Variants in ASNS observed in about 807,000 individuals in gnomAD.
The protein encoded by ASNS is asparagine synthetase (glutamine-hydrolyzing), also known as asparagine synthetase [glutamine-hydrolyzing].
ASNS carries 37 observed loss-of-function variants against 62.6 expected under a neutral mutation model. The observed-to-expected ratio is 0.59, with a 90% CI of 0.45 to 0.78. The LOEUF (loss-of-function observed/expected upper bound fraction) is 0.78, where lower values mean the gene tolerates loss of function less well. Ranked by LOEUF, ASNS falls within the 30% of genes least tolerant of loss-of-function variation. The probability of loss-of-function intolerance (pLI) is 0.00; values close to 1 mark genes in which losing one functional copy is unlikely to be tolerated. For synonymous variants in ASNS, 207 were observed against 237.9 expected (o/e 0.87, Z 1.19); for missense variants, 520 against 682.4 (o/e 0.76, Z 2.65).
the ASNS span, among the ~76,000 whole-genome samples, chr7:97,910,022 A>G: frequency 6.6e-6 from 1 of 152,188 alleles, no homozygotes; most frequent in Admixed American, 6.5e-5. Context: ...TTTACAATCC[A>G]GGGGAAGAAC....
chr7:97,864,750 A>C (rs1175083225), intron 3 of ASNS, among the ~76,000 whole-genome samples: 1 of 152,218 alleles, frequency 6.6e-6, no homozygotes, highest in Non-Finnish European at 1.5e-5. Flanking sequence ...ATGTGCCAGA[A>C]CAGTAACCTG....
In ASNS at chr7:97,859,295, T is replaced by C. The variant is rs141969298; in HGVS notation, c.591A>G (p.Ala197=). 23 of 1,614,052 alleles carry C rather than the reference T, an allele frequency of 1.4e-5. No individual in the cohort carries two copies. The highest frequency in any genetic ancestry group is 1.9e-5 in the Non-Finnish European group (22 of 1,180,016). The stretch of plus-strand genomic sequence containing the variant: ...GATGATATTTAACCATTTCCACGGA[T>C]GCAACTTTGCCATTTGGCTTTAAAT... ...VLDLKPNGKV[A]SVEMVKYHHC... The change falls in exon 5 of 13, where the codon GCA becomes GCG. Residue 197 remains alanine, a synonymous_variant. Coordinates refer to ENST00000394308, the MANE Select transcript of ASNS (RefSeq NM_001673.5).
the ASNS span, among the ~76,000 whole-genome samples, chr7:97,896,741 C>CACAT: frequency 0.027 from 530 of 19,768 alleles, 18 homozygotes; most frequent in Non-Finnish European, 0.041. Flanking sequence ...CACACACACA[C>CACAT]ATATATATAT....
Position 97,851,949 on chromosome 7 carries a change from G to T in ASNS, c.*310C>A. 1 of 338,464 alleles carries T rather than the reference G, an allele frequency of 3.0e-6. No homozygotes were observed. Among genetic ancestry groups the T allele is most frequent in the Non-Finnish European group, 5.6e-6 (1 of 179,764 alleles). 21.0% of individuals were successfully genotyped at this position (338,464 alleles called of 1,614,324 possible). A position where few individuals can be genotyped will look rare whatever the true frequency, so the allele number is the denominator to read the frequency against. On this transcript the variant is annotated 3_prime_UTR_variant, in exon 13 of 13. Transcript: ENST00000394308. ...GGCAAGGACTGGAAGGAAGCCACAC[G>T]GGCACAAGATGCAAATGTCATCTAA... is the stretch of plus-strand genomic sequence containing the variant.
At chr7:97,880,934 T>TTTTG in the ASNS span, among the ~76,000 whole-genome samples, 4 of 150,274 alleles carry the variant, frequency 2.7e-5, no homozygotes, top group South Asian at 2.1e-4. Context: ...TGTGTGTGTG[T>TTTTG]TTTTGTTTTG....
chr7:97,927,078 T>G, the ASNS span, among the ~76,000 whole-genome samples: 2 of 120,824 alleles, frequency 1.7e-5, no homozygotes, highest in Non-Finnish European at 1.6e-5. Context: ...TGGCTTTTTT[T>G]TTTTTTTTTT....
At chr7:97,912,712 A>G in the ASNS span, among the ~76,000 whole-genome samples, 1 of 151,138 alleles carries the variant, frequency 6.6e-6, no homozygotes, top group Non-Finnish European at 1.5e-5. Flanking sequence ...CCTCCTGAGT[A>G]GCTGGGACTA....
At chr7:97,881,932 C>G in the ASNS span, among the ~76,000 whole-genome samples, 1 of 151,988 alleles carries the variant, frequency 6.6e-6, no homozygotes, top group Non-Finnish European at 1.5e-5. Flanking sequence ...ACACAGGACA[C>G]CTCTGCCTCC....
chr7:97,908,315 G>A, the ASNS span: 2 of 152,162 alleles, frequency 1.3e-5, no homozygotes, highest in East Asian at 1.9e-4. Context: ...CGCTCCAGAG[G>A]AAACAAATGG....
the ASNS span, chr7:97,906,359 A>G: frequency 2.9e-6 from 1 of 342,700 alleles, no homozygotes; most frequent in Non-Finnish European, 5.6e-6. Context: ...CTTCAGACTC[A>G]GCCTAGAAGT....
the ASNS span, among the ~76,000 whole-genome samples, chr7:97,880,501 C>T: frequency 2.0e-5 from 3 of 152,104 alleles, no homozygotes; most frequent in Admixed American, 1.3e-4. Context: ...AAGGAAAGGG[C>T]GAACACAGGG....
intron 9 of ASNS, 28 bp downstream of exon 9, chr7:97,855,325 G>T: frequency 6.8e-7 from 1 of 1,462,252 alleles, no homozygotes; most frequent in Non-Finnish European, 9.6e-7. Flanking sequence ...AATATAGCAT[G>T]AATATCCCTC....
the ASNS span, among the ~76,000 whole-genome samples, chr7:97,916,415 A>G: frequency 1.3e-5 from 2 of 152,044 alleles, no homozygotes; most frequent in African/African-American, 2.4e-5. Context: ...ATGACACAGA[A>G]TTTGCTAAAG....
the ASNS span, among the ~76,000 whole-genome samples, chr7:97,927,858 C>A: frequency 6.6e-6 from 1 of 152,292 alleles, no homozygotes; most frequent in Non-Finnish European, 1.5e-5. Context: ...CATGAGCAAG[C>A]CTCCCAGACA....
intron 1 of ASNS, chr7:97,872,095 G>C: frequency 6.6e-6 from 1 of 152,296 alleles, no homozygotes; most frequent in South Asian, 2.1e-4. Flanking sequence ...TGCCGGCCGC[G>C]GTTCCCTCTC....
chr7:97,916,634 G>A, the ASNS span, among the ~76,000 whole-genome samples: 2 of 152,182 alleles, frequency 1.3e-5, no homozygotes, highest in Non-Finnish European at 2.9e-5. Context: ...TTTATTTGGG[G>A]TGGTTTAATC....
intron 3 of ASNS, among the ~76,000 whole-genome samples, chr7:97,865,641 T>G (rs562563898): frequency 2.6e-5 from 4 of 152,352 alleles, no homozygotes; most frequent in Non-Finnish European, 4.4e-5. Flanking sequence ...TGACTTTCTG[T>G]GTTATAAGTG....
upstream of ASNS, among the ~76,000 whole-genome samples, chr7:97,874,301 C>T (rs1320841903): frequency 2.6e-5 from 4 of 152,162 alleles, no homozygotes; most frequent in African/African-American, 9.7e-5. Flanking sequence ...TCTCTTATTC[C>T]CTGAACAATT....
At chr7:97,917,473 G>C in the ASNS span, among the ~76,000 whole-genome samples, 10,329 of 134,564 alleles carry the variant, frequency 0.077, no homozygotes, top group African/African-American at 0.14. Flanking sequence ...CTGGCATCCA[G>C]GTCTAAGCTG....
Sources: allele counts gnomAD v4.1 joint callset (sites outside exome capture counted in the v4.1 genomes callset), GRCh38; gene constraint gnomAD v4.1.1; transcripts MANE v1.5; gene names NCBI Gene and HGNC (gene_info 2026-07-23, HGNC 2026-07-21).